PACSIN1: variants seen among roughly 807,000 people sequenced by gnomAD.
PACSIN1 encodes the protein protein kinase C and casein kinase substrate in neurons 1.
PACSIN1 carries 15 observed loss-of-function variants against 59.5 expected under a neutral mutation model. The ratio of observed to expected loss-of-function variants is 0.25; its 90% CI spans 0.17 to 0.39. The LOEUF (loss-of-function observed/expected upper bound fraction) is 0.39. Among genes scored for constraint, PACSIN1 ranks in the 10% least tolerant of loss-of-function variants. The probability of loss-of-function intolerance (pLI) is 1.00; values close to 1 mark genes in which losing one functional copy is unlikely to be tolerated. For synonymous variants in PACSIN1, 210 were observed against 220.6 expected (o/e 0.95, Z 0.42); for missense variants, 420 against 580.2 (o/e 0.72, Z 2.84).
chr6:34,513,416 G>A (rs867924315), intron 1 of PACSIN1, among the ~76,000 whole-genome samples: 17 of 152,140 alleles, frequency 1.1e-4, no homozygotes, highest in African/African-American at 3.6e-4. Context: ...CACAGGGGCT[G>A]CAGTGACCCT....
At chr6:34,512,596 A>G (rs1008569659) in intron 1 of PACSIN1, among the ~76,000 whole-genome samples, 1 of 152,042 alleles carries the variant, frequency 6.6e-6, no homozygotes, top group Non-Finnish European at 1.5e-5. Flanking sequence ...CCTGCCAAGG[A>G]CCTCCAGGCC....
chr6:34,477,771 C>T (rs1431042843), intron 1 of PACSIN1, among the ~76,000 whole-genome samples: 1 of 152,180 alleles, frequency 6.6e-6, no homozygotes, highest in East Asian at 1.9e-4. Flanking sequence ...CTTTTTGAGA[C>T]AGGGTCTCAC....
Position 34,528,812 on chromosome 6 carries a change from G to A in PACSIN1, c.391G>A (p.Glu131Lys). Residue 131 changes from glutamate (E) to lysine (K), a missense_variant, in exon 4 of 10, where the codon GAG (glutamate) becomes AAG (lysine). By Grantham distance (56) the Glu-to-Lys change is moderately conservative. Transcript: ENST00000244458. ...CAAGCAGATCATGGGTGGCTTCAAGGAGACGAAGGAGGCTGAAGATGGCTT... is the reference window on the plus strand; with the variant it reads ...CAAGCAGATCATGGGTGGCTTCAAGAAGACGAAGGAGGCTGAAGATGGCTT... ...YHKQIMGGFKETKEAEDGFRK... is the reference protein window; with the variant it reads ...YHKQIMGGFKKTKEAEDGFRK... 6.2e-7 allele frequency: 1 copy of A among 1,611,538 alleles called. No individual in the cohort carries two copies. The highest frequency in any genetic ancestry group is 8.5e-7 in the Non-Finnish European group (1 of 1,178,730).
rs1488710820 is a variant in PACSIN1 at position 34,534,409 on chromosome 6, G to C, written c.*1879G>C. 3 of 152,754 alleles carry C rather than the reference G, an allele frequency of 2.0e-5. No individual in the cohort carries two copies. The highest frequency in any genetic ancestry group is 7.2e-5 in the African/African-American group (3 of 41,436). 9.5% of individuals were successfully genotyped at this position (152,754 alleles called of 1,614,324 possible). A position where few individuals can be genotyped will look rare whatever the true frequency, so the allele number is the denominator to read the frequency against. The stretch of plus-strand genomic sequence containing the variant: ...CGGCTGCAGCCTGAGGTGTGTCCTG[G>C]GCTCCTCAGAGCCTGAAGCAAGCTT... On this transcript the variant is annotated 3_prime_UTR_variant, in exon 10 of 10. Transcript: ENST00000244458.
rs1411286894 is a variant in PACSIN1, at chr6:34,518,158, G to T, written c.-63-8085G>T. 6.6e-6 allele frequency among the ~76,000 whole-genome samples: 1 copy of T among 152,250 alleles called. No homozygotes were observed. Among genetic ancestry groups the T allele is most frequent in the Non-Finnish European group, 1.5e-5 (1 of 68,042 alleles). ...CCGGCCAGGCCCCGGAAGAGGGCAA[G>T]CTGCATGCATCCCACCCCAAGCCAC... On this transcript the variant is annotated intron_variant, in intron 1 of 9. Coordinates refer to ENST00000244458, the MANE Select transcript of PACSIN1 (RefSeq NM_020804.5). The surrounding 1 kb of genome is among the most constrained non-coding windows in gnomAD (Gnocchi z 4.4).
In PACSIN1 at chr6:34,526,295, G is replaced by T. The variant is rs1180898682; in HGVS notation, c.-11G>T. 2 of 1,611,296 alleles carry T rather than the reference G, an allele frequency of 1.2e-6. No individual in the cohort carries two copies. Among genetic ancestry groups the T allele is most frequent in the East Asian group, 2.2e-5 (1 of 44,856 alleles). ...CAGCTCCGCACTTGTCCATCCCCCTGCGGCTACACCATGTCCAGCTCCTAC... is the reference window on the plus strand; with the variant it reads ...CAGCTCCGCACTTGTCCATCCCCCTTCGGCTACACCATGTCCAGCTCCTAC... On this transcript the variant is annotated 5_prime_UTR_variant, in exon 2 of 10. Transcript: ENST00000244458.
intron 2 of PACSIN1, 118 bp downstream of exon 2, chr6:34,526,486 C>G (rs1045140369): frequency 1.3e-6 from 1 of 784,682 alleles, no homozygotes; most frequent in Non-Finnish European, 2.1e-6. Flanking sequence ...CCAGGCCCCT[C>G]CAAAGCCCTG....
At chr6:34,507,748 C>A (rs1767136477) in intron 1 of PACSIN1, among the ~76,000 whole-genome samples, 5 of 152,182 alleles carry the variant, frequency 3.3e-5, no homozygotes. Flanking sequence ...ATTCTCCTTC[C>A]TGTTTCTGTG....
In PACSIN1 at chr6:34,467,335, T is replaced by C. The variant is rs545037827; in HGVS notation, c.-64+1065T>C. Among the ~76,000 whole-genome samples the C allele has an allele frequency of 9.9e-4, 151 of 152,344 alleles. 1 individual carries two copies. Among genetic ancestry groups the C allele is most frequent in the African/African-American group, 3.5e-3 (145 of 41,586 alleles). On this transcript the variant is annotated intron_variant, in intron 1 of 9. Transcript: ENST00000244458. ...CAGAAGTACCTTCAGGCTGGGAATCTGATTCATCTCTGTCATTGCCCCTGC... is the reference window on the plus strand; with the variant it reads ...CAGAAGTACCTTCAGGCTGGGAATCCGATTCATCTCTGTCATTGCCCCTGC...
intron 3 of PACSIN1, 196 bp downstream of exon 3, chr6:34,527,684 T>TA (rs61312305): frequency 0.06 from 19,489 of 326,538 alleles, no homozygotes; most frequent in Middle Eastern, 0.084. Flanking sequence ...TAGGTTGAAT[T>TA]AAAAAAAAAA....
chr6:34,470,175 C>CTAT (rs200734893), intron 1 of PACSIN1, among the ~76,000 whole-genome samples: 2,837 of 151,550 alleles, frequency 0.019, 66 homozygotes, highest in African/African-American at 0.052. Flanking sequence ...GAGGCCTTGG[C>CTAT]TATTATTATT....
In PACSIN1 at chr6:34,529,381, T is replaced by TA. The variant is rs1554170768; in HGVS notation, c.457-16_457-15insA. 6.2e-7 allele frequency: 1 copy of TA among 1,613,596 alleles called. No individual in the cohort carries two copies. The highest frequency in any genetic ancestry group is 8.5e-7 in the Non-Finnish European group (1 of 1,179,888). On this transcript the variant is annotated splice_polypyrimidine_tract_variant and intron_variant, in intron 4 of 9. Transcript: ENST00000244458. This position sits in a 1 kb window ranked among gnomAD's most constrained non-coding sequence, Gnocchi z 6.3. Reference sequence around the variant, plus strand: ...CACAAATGAAAACCCTACTCCCTATTCCCCCCTCCCCACAGCTGGAGGCAG... The same window carrying TA: ...CACAAATGAAAACCCTACTCCCTATTACCCCCCTCCCCACAGCTGGAGGCAG...
intron 1 of PACSIN1, among the ~76,000 whole-genome samples, chr6:34,519,374 TG>T (rs1165667255): frequency 2.0e-5 from 3 of 152,144 alleles, no homozygotes; most frequent in Non-Finnish European, 4.4e-5. Flanking sequence ...GCAGGCTCCC[TG>T]GGGACTGCCT....
At chr6:34,517,096 G>A (rs1459283746) in intron 1 of PACSIN1, among the ~76,000 whole-genome samples, 4 of 152,146 alleles carry the variant, frequency 2.6e-5, no homozygotes, top group Admixed American at 2.6e-4. Context: ...TCCTCCCTCG[G>A]TATCCCCAGC....
At position 34,515,323 on chromosome 6, in the gene PACSIN1, C is replaced by A. The variant is rs1767272889; in HGVS notation, c.-63-10920C>A. 6.6e-6 allele frequency among the ~76,000 whole-genome samples: 1 copy of A among 152,170 alleles called. No individual in the cohort carries two copies. Among genetic ancestry groups the A allele is most frequent in the African/African-American group, 2.4e-5 (1 of 41,428 alleles). ...TCCTCTGTACCTCTTGTCTCCACCACTGCCACAGGTCCTGACTTTGTAGCC... is the reference window on the plus strand; with the variant it reads ...TCCTCTGTACCTCTTGTCTCCACCAATGCCACAGGTCCTGACTTTGTAGCC... On this transcript the variant is annotated intron_variant, in intron 1 of 9. Coordinates refer to ENST00000244458, the MANE Select transcript of PACSIN1 (RefSeq NM_020804.5). This position sits in a 1 kb window ranked among gnomAD's most constrained non-coding sequence, Gnocchi z 4.4.
intron 1 of PACSIN1, among the ~76,000 whole-genome samples, chr6:34,466,918 A>T (rs1186172049): frequency 6.6e-6 from 1 of 152,124 alleles, no homozygotes; most frequent in Non-Finnish European, 1.5e-5. Flanking sequence ...TTCACCTTAC[A>T]AGAGGCTATG....
At chr6:34,498,485 G>T (rs1315158373) in intron 1 of PACSIN1, among the ~76,000 whole-genome samples, 2 of 152,088 alleles carry the variant, frequency 1.3e-5, no homozygotes, top group African/African-American at 2.4e-5. Flanking sequence ...CCATGCAGCA[G>T]CCTGGTCTTG....
At chr6:34,527,237 G>C (rs1037026966) in intron 2 of PACSIN1, 95 bp from the exon 3 acceptor site, 4 of 1,243,042 alleles carry the variant, frequency 3.2e-6, no homozygotes, top group African/African-American at 3.2e-5. Flanking sequence ...GGGGAGGCGG[G>C]GCGGAAGACA....
At chr6:34,483,448 G>A (rs1188528008) in intron 1 of PACSIN1, among the ~76,000 whole-genome samples, 3 of 152,114 alleles carry the variant, frequency 2.0e-5, no homozygotes, top group Admixed American at 6.5e-5. Context: ...GAGGGGAGTG[G>A]CTTGCGCAGG....
Sources: gnomAD v4.1 joint callset for allele counts (sites outside exome capture counted in the v4.1 genomes callset) on GRCh38, gnomAD v4.1.1 for gene constraint, Gnocchi (gnomAD v3.1) non-coding constraint, MANE v1.5 for transcripts, NCBI Gene and HGNC (gene_info 2026-07-23, HGNC 2026-07-21) for gene names.